TTBK1: variants seen among roughly 807,000 people sequenced by gnomAD.
TTBK1 encodes tau tubulin kinase 1.
Under a neutral mutation model 108.5 loss-of-function variants are expected in TTBK1, and 34 were observed. The ratio of observed to expected loss-of-function variants is 0.31; its 90% CI spans 0.24 to 0.42. The LOEUF (loss-of-function observed/expected upper bound fraction) is 0.42. Ranked by LOEUF, TTBK1 falls within the 10% of genes least tolerant of loss-of-function variation. The pLI is 1.00. For synonymous variants in TTBK1, 809 were observed against 795.1 expected (o/e 1.02, Z -0.29); for missense variants, 1,539 against 1,826.0 (o/e 0.84, Z 2.86).
intron 10 of TTBK1, 56 bp downstream of exon 10, chr6:43,258,022 GC>G (rs1777425127): frequency 1.3e-6 from 2 of 1,569,122 alleles, no homozygotes; most frequent in African/African-American, 2.7e-5. Flanking sequence ...ACCTAAGAGG[GC>G]AGGCGGTCCT....
chr6:43,251,867 G>A (rs975083069), intron 2 of TTBK1, among the ~76,000 whole-genome samples: 1 of 152,170 alleles, frequency 6.6e-6, no homozygotes, highest in Non-Finnish European at 1.5e-5. Context: ...AGCATGGGCC[G>A]CGAACATCCT....
At chr6:43,252,044 T>G (rs1777256223) in intron 2 of TTBK1, among the ~76,000 whole-genome samples, 1 of 152,030 alleles carries the variant, frequency 6.6e-6, no homozygotes, top group Admixed American at 6.6e-5. Flanking sequence ...ACACAGGGGA[T>G]GGGGGAACAT....
Position 43,285,030 on chromosome 6 carries a change from G to A in TTBK1, c.3620G>A (p.Arg1207His), listed in dbSNP as rs976323004. ...PPGSATAADL[R>H]PKQPPGRGLG... is the part of the protein sequence containing the mutation. ...GGGTCGGCCACTGCTGCTGACCTCC[G>A]CCCCAAACAACCTCCTGGCCGCGGC... Residue 1207 changes from arginine (R) to histidine (H), a missense_variant, in exon 15 of 15, where the codon CGC becomes CAC. Physicochemically the swap from Arg to His is conservative, Grantham distance 29. Transcript: ENST00000259750. The surrounding 1 kb of genome is among the most constrained non-coding windows in gnomAD (Gnocchi z 4.7). 7.3e-6 allele frequency: 11 copies of A among 1,515,714 alleles called. No homozygotes were observed. The highest frequency in any genetic ancestry group is 8.8e-6 in the Non-Finnish European group (10 of 1,138,056). 93.9% of individuals were successfully genotyped at this position (1,515,714 alleles called of 1,614,324 possible). A position where few individuals can be genotyped will look rare whatever the true frequency, so the allele number is the denominator to read the frequency against.
intron 1 of TTBK1, 53 bp from the exon 2 acceptor site, chr6:43,246,554 C>T (rs1196803769): frequency 8.4e-6 from 6 of 712,136 alleles, no homozygotes; most frequent in Non-Finnish European, 1.4e-5. Context: ...CCATATCTGC[C>T]AGGTGGTCCT....
chr6:43,283,889 C>G lies in TTBK1; in HGVS notation c.3149C>G (p.Ser1050Cys), dbSNP rs946548625. Reference protein sequence around the residue: ...ISPRRHAMPGSRPRSRIPVLL... With the variant: ...ISPRRHAMPGCRPRSRIPVLL... ...CCCAGACGCCATGCTATGCCAGGCTCTCGCCCCAGGAGCCGTATCCCTGTC... is the reference window on the plus strand; with the variant it reads ...CCCAGACGCCATGCTATGCCAGGCTGTCGCCCCAGGAGCCGTATCCCTGTC... The change falls in exon 14 of 15, where the codon TCT becomes TGT. Residue 1050 changes from serine (S) to cysteine (C), a missense_variant. Physicochemically the swap from Ser to Cys is moderately radical, Grantham distance 112 (BLOSUM62 -1). This residue lies in a region of TTBK1 where 1,055 missense variants were observed against 1,086.5 expected (regional missense o/e 0.97). Transcript: ENST00000259750. This position sits in a 1 kb window ranked among gnomAD's most constrained non-coding sequence, Gnocchi z 8.1. 2 of 1,611,730 alleles carry G rather than the reference C, an allele frequency of 1.2e-6. No homozygotes were observed. The highest frequency in any genetic ancestry group is 1.7e-6 in the Non-Finnish European group (2 of 1,178,506).
intron 1 of TTBK1, among the ~76,000 whole-genome samples, chr6:43,244,082 A>G (rs546687689): frequency 1.1e-4 from 16 of 150,290 alleles, no homozygotes; most frequent in African/African-American, 3.9e-4. Flanking sequence ...CTTCTTACCT[A>G]CTTCCTCACC....
chr6:43,268,611 A>G (rs1448492147), intron 13 of TTBK1, among the ~76,000 whole-genome samples: 1 of 152,120 alleles, frequency 6.6e-6, no homozygotes, highest in Non-Finnish European at 1.5e-5. Flanking sequence ...AGGCTGGGAG[A>G]GGTCTGGTAA....
At position 43,257,265 on chromosome 6, in the gene TTBK1, C is replaced by T. The variant is rs1464784111; in HGVS notation, c.862-547C>T. 3.3e-5 allele frequency among the ~76,000 whole-genome samples: 5 copies of T among 152,208 alleles called. No individual in the cohort carries two copies. Among genetic ancestry groups the T allele is most frequent in the East Asian group, 1.9e-4 (1 of 5,196 alleles). On this transcript the variant is annotated intron_variant, in intron 9 of 14. Coordinates refer to ENST00000259750, the MANE Select transcript of TTBK1 (RefSeq NM_032538.3). This position sits in a 1 kb window ranked among gnomAD's most constrained non-coding sequence, Gnocchi z 4.5. ...TGGGATCCCCAAAGCCACACAGCTG[C>T]GAGCACCCCCCAGGCTGGGGCCCTG...
In TTBK1 at chr6:43,259,984, G is replaced by A. The variant is rs1210161357; in HGVS notation, c.1424+278G>A. On this transcript the variant is annotated intron_variant, in intron 12 of 14. Coordinates refer to ENST00000259750, the MANE Select transcript of TTBK1 (RefSeq NM_032538.3). The surrounding 1 kb of genome is among the most constrained non-coding windows in gnomAD (Gnocchi z 6.7). ...GGTGGGGCGCCTGGGCCCAGGAAGG[G>A]TGAGGGGCGAGTTGGTTGGTGGGTG... 6.6e-6 allele frequency among the ~76,000 whole-genome samples: 1 copy of A among 152,220 alleles called. No homozygotes were observed. The highest frequency in any genetic ancestry group is 1.5e-5 in the Non-Finnish European group (1 of 68,042).
In TTBK1 at chr6:43,262,985, A is replaced by G; in HGVS notation, c.1621A>G (p.Lys541Glu). Residue 541 changes from lysine (K) to glutamate (E), a missense_variant, in exon 13 of 15, where the codon AAA becomes GAA. By Grantham distance (56) the Lys-to-Glu change is moderately conservative. Transcript: ENST00000259750. Reference protein sequence around the residue: ...PLAEEEDFDSKEWVIIDKETE... With the variant: ...PLAEEEDFDSEEWVIIDKETE... ...GGCTGAGGAGGAGGATTTCGACAGC[A>G]AAGAGTGGGTCATCATCGACAAGGA... 1 of 1,612,952 alleles carries G rather than the reference A, an allele frequency of 6.2e-7. No homozygotes were observed. The highest frequency in any genetic ancestry group is 8.5e-7 in the Non-Finnish European group (1 of 1,179,520).
intron 13 of TTBK1, chr6:43,270,422 T>G (rs926678648): frequency 1.3e-6 from 1 of 752,000 alleles, no homozygotes; most frequent in South Asian, 6.5e-5. Flanking sequence ...ATGGTGTGTG[T>G]GTGTGTGTGT....
In TTBK1 at chr6:43,246,846, G is replaced by A. The variant is rs755488875; in HGVS notation, c.108+78G>A. 53 of 1,156,990 alleles carry A rather than the reference G, an allele frequency of 4.6e-5. 1 individual carries two copies. Among genetic ancestry groups the A allele is most frequent in the Middle Eastern group, 4.0e-4 (2 of 4,962 alleles). The allele number at this position is 1,156,990 out of a possible 1,614,324, so 71.7% of individuals were successfully genotyped here. ...GACCTGGAGACTTGTTAAAACCGGT[G>A]CCCTCCGCTCCCCTACCCTAAGAGG... is the stretch of plus-strand genomic sequence containing the variant. On this transcript the variant is annotated intron_variant, in intron 2 of 14. Coordinates refer to ENST00000259750, the MANE Select transcript of TTBK1 (RefSeq NM_032538.3).
At chr6:43,251,705 G>A (rs6930460) in intron 2 of TTBK1, among the ~76,000 whole-genome samples, 46,155 of 151,984 alleles carry the variant, frequency 0.3, 7,076 homozygotes, top group East Asian at 0.38. Context: ...CTGGAGGGGG[G>A]AGACGAGAGG....
In TTBK1 at chr6:43,283,205, T is replaced by C. The variant is rs1341308355; in HGVS notation, c.2465T>C (p.Met822Thr). The C allele has an allele frequency of 6.4e-7, 1 of 1,551,946 alleles. No homozygotes were observed. The highest frequency in any genetic ancestry group is 2.0e-5 in the Admixed American group (1 of 51,166). The change falls in exon 14 of 15, where the codon ATG (methionine) becomes ACG (threonine). Residue 822 changes from methionine to threonine, a missense_variant. This residue lies in a region of TTBK1 where 1,055 missense variants were observed against 1,086.5 expected (regional missense o/e 0.97). Coordinates refer to ENST00000259750, the MANE Select transcript of TTBK1 (RefSeq NM_032538.3). The surrounding 1 kb of genome is among the most constrained non-coding windows in gnomAD (Gnocchi z 8.1). ...AAGGAGTCCAGGGGCCGGGCCTCCA[T>C]GGCCGATGGGGACCTGGAGCCTGAG... ...DQKESRGRASMADGDLEPEEG... is the reference protein window; with the variant it reads ...DQKESRGRASTADGDLEPEEG...
rs751665493 is a variant in TTBK1 at position 43,263,306 on chromosome 6, C to T, written c.1942C>T (p.Arg648Cys). The stretch of plus-strand genomic sequence containing the variant: ...CCACTCACCCCTGCACTCGGGACCC[C>T]GCCCTCGACGGAGAGAGTCGGACCC... ...PSHSPLHSGPRPRRRESDPTG... is the reference protein window; with the variant it reads ...PSHSPLHSGPCPRRRESDPTG... The change falls in exon 13 of 15, where the codon CGC becomes TGC. Residue 648 changes from arginine (R) to cysteine (C), a missense_variant. Arg to Cys is a radical substitution (Grantham distance 180). Coordinates refer to ENST00000259750, the MANE Select transcript of TTBK1 (RefSeq NM_032538.3). The surrounding 1 kb of genome is among the most constrained non-coding windows in gnomAD (Gnocchi z 4.7). 1.4e-5 allele frequency: 21 copies of T among 1,485,602 alleles called. No homozygotes were observed. Among genetic ancestry groups the T allele is most frequent in the Admixed American group, 2.5e-5 (1 of 40,234 alleles). 92.0% of individuals were successfully genotyped at this position (1,485,602 alleles called of 1,614,324 possible). A position where few individuals can be genotyped will look rare whatever the true frequency, so the allele number is the denominator to read the frequency against.
chr6:43,260,186 G>A (rs914238378), intron 12 of TTBK1, among the ~76,000 whole-genome samples: 1 of 152,182 alleles, frequency 6.6e-6, no homozygotes, highest in East Asian at 1.9e-4. Flanking sequence ...GGGGACCAGC[G>A]GGAACCTAGT....
chr6:43,286,769 G>A lies in TTBK1; in HGVS notation c.*1393G>A, dbSNP rs1256891579. 1.3e-5 allele frequency: 2 copies of A among 152,372 alleles called. No individual in the cohort carries two copies. The highest frequency in any genetic ancestry group is 2.9e-5 in the Non-Finnish European group (2 of 68,172). 9.4% of individuals were successfully genotyped at this position (152,372 alleles called of 1,614,324 possible). On this transcript the variant is annotated 3_prime_UTR_variant, in exon 15 of 15. Transcript: ENST00000259750. This position sits in a 1 kb window ranked among gnomAD's most constrained non-coding sequence, Gnocchi z 4.6. ...TGCATAGCTCACCCCACCTCATCAT[G>A]AGCCTCAACTGCCTACATCTGGGGC...
Position 43,282,878 on chromosome 6 carries a change from T to C in TTBK1, c.2138T>C (p.Met713Thr). ...GTCCGGAGGGTGGGCTTCTCGCACATGCTGCTCACCACCCCCCAGGTCCCA... is the reference window on the plus strand; with the variant it reads ...GTCCGGAGGGTGGGCTTCTCGCACACGCTGCTCACCACCCCCCAGGTCCCA... ...NRVRRVGFSHMLLTTPQVPLA... is the reference protein window; with the variant it reads ...NRVRRVGFSHTLLTTPQVPLA... Residue 713 changes from methionine to threonine, a missense_variant, in exon 14 of 15, where the codon ATG (methionine) becomes ACG (threonine). Physicochemically the swap from Met to Thr is moderately conservative, Grantham distance 81. This residue lies in a region of TTBK1 where 1,055 missense variants were observed against 1,086.5 expected (regional missense o/e 0.97). Coordinates refer to ENST00000259750, the MANE Select transcript of TTBK1 (RefSeq NM_032538.3). The surrounding 1 kb of genome is among the most constrained non-coding windows in gnomAD (Gnocchi z 5.4). The C allele has an allele frequency of 6.2e-7, 1 of 1,613,752 alleles. No individual in the cohort carries two copies.
At chr6:43,244,149 C>T (rs1777028239) in intron 1 of TTBK1, among the ~76,000 whole-genome samples, 1 of 152,088 alleles carries the variant, frequency 6.6e-6, no homozygotes, top group Admixed American at 6.5e-5. Context: ...TGCCTGTCAT[C>T]ATTATCTCTC....
Sources: gnomAD v4.1 joint callset for allele counts (sites outside exome capture counted in the v4.1 genomes callset) on GRCh38, gnomAD v4.1.1 for gene constraint, gnomAD v4.1.1 regional missense constraint, Gnocchi (gnomAD v3.1) non-coding constraint, MANE v1.5 for transcripts, NCBI Gene and HGNC (gene_info 2026-07-23, HGNC 2026-07-21) for gene names.